Variants in KCNN2 observed in about 807,000 individuals in gnomAD.
KCNN2 encodes potassium calcium-activated channel subfamily N member 2.
Under a neutral mutation model 55.5 loss-of-function variants are expected in KCNN2, and 24 were observed. The ratio of observed to expected loss-of-function variants is 0.43; its 90% confidence interval spans 0.31 to 0.61. The LOEUF is 0.61. KCNN2 is among the 20% of genes least tolerant of loss of function. The pLI is 0.08. For missense variants in KCNN2, 754 were observed against 853.6 expected (o/e 0.88, Z 1.45); for synonymous variants, 431 against 336.1 (o/e 1.28, Z -3.09).
intron 2 of KCNN2, among the ~76,000 whole-genome samples, chr5:114,339,076 G>A (rs749781346): frequency 2.0e-5 from 3 of 152,208 alleles, no homozygotes; most frequent in Non-Finnish European, 2.9e-5. Context: ...CTACTAAGAG[G>A]TAGACAACTC....
Position 114,077,357 on chromosome 5 carries a change from G to A in KCNN2, c.-271+20857G>A, listed in dbSNP as rs1344454385. 5.9e-5 allele frequency among the ~76,000 whole-genome samples: 9 copies of A among 152,240 alleles called. No individual in the cohort carries two copies. The South Asian group carries it at 1.9e-3, about 31-fold the overall frequency. On this transcript the variant is annotated intron_variant, in intron 1 of 10. Coordinates refer to the KCNN2 transcript ENST00000512097. ...TCCAGCGTTACGAAGACCACATGTG[G>A]AAGTGTGGGTCAGTGGGGTACAGAG...
chr5:114,151,269 AT>A (rs1244727141), intron 1 of KCNN2, among the ~76,000 whole-genome samples: 1 of 152,112 alleles, frequency 6.6e-6, no homozygotes, highest in East Asian at 1.9e-4. Context: ...CCTCTCACTC[AT>A]TTTTGATTTT....
At chr5:114,403,151 T>G (rs1758836173) in intron 2 of KCNN2, among the ~76,000 whole-genome samples, 1 of 152,152 alleles carries the variant, frequency 6.6e-6, no homozygotes, top group South Asian at 2.1e-4. Context: ...TCCAAAACAT[T>G]ATGGGGAATA....
chr5:114,061,770 G>C (rs1253897193), intron 1 of KCNN2, among the ~76,000 whole-genome samples: 1 of 152,176 alleles, frequency 6.6e-6, no homozygotes, highest in Non-Finnish European at 1.5e-5. Context: ...CCCAGGTGAG[G>C]ACCATGATGG....
intron 3 of KCNN2, among the ~76,000 whole-genome samples, chr5:114,423,201 C>T (rs1759521224): frequency 6.6e-6 from 1 of 152,182 alleles, no homozygotes; most frequent in African/African-American, 2.4e-5. Context: ...AAACCTGGAA[C>T]AGAACCAGTG....
chr5:114,409,162 T>C (rs186861822), intron 3 of KCNN2, among the ~76,000 whole-genome samples: 1 of 152,176 alleles, frequency 6.6e-6, no homozygotes, highest in Admixed American at 6.5e-5. Flanking sequence ...ACTAAATGGC[T>C]TGTTAAGACT....
intron 3 of KCNN2, among the ~76,000 whole-genome samples, chr5:114,447,532 C>G (rs1436123988): frequency 1.3e-5 from 2 of 152,214 alleles, no homozygotes; most frequent in Non-Finnish European, 2.9e-5. Context: ...CAACTGAGCT[C>G]AAGCTCATGG....
intron 1 of KCNN2, among the ~76,000 whole-genome samples, chr5:114,184,334 T>G (rs1302496804): frequency 6.6e-6 from 1 of 152,158 alleles, no homozygotes; most frequent in Non-Finnish European, 1.5e-5. Context: ...ATTATCAGAT[T>G]GGCAGCAAGG....
intron 5 of KCNN2, among the ~76,000 whole-genome samples, chr5:114,475,890 A>ATACTT (rs766806662): frequency 4.6e-5 from 7 of 152,256 alleles, no homozygotes; most frequent in Non-Finnish European, 8.8e-5. Context: ...AAGTTCTTGT[A>ATACTT]TACTTTAAAC....
chr5:114,408,984 C>G (rs1759033728), intron 3 of KCNN2, among the ~76,000 whole-genome samples: 1 of 152,064 alleles, frequency 6.6e-6, no homozygotes, highest in Non-Finnish European at 1.5e-5. Context: ...AGTGTGTAGC[C>G]AGCAGGTACA....
intron 2 of KCNN2, among the ~76,000 whole-genome samples, chr5:114,374,228 C>T (rs1343745611): frequency 6.6e-6 from 1 of 151,998 alleles, no homozygotes; most frequent in African/African-American, 2.4e-5. Flanking sequence ...TAATTAGGAC[C>T]CTGGTGACTT....
At chr5:114,382,437 C>A (rs2150057969) in intron 2 of KCNN2, among the ~76,000 whole-genome samples, 1 of 152,288 alleles carries the variant, frequency 6.6e-6, no homozygotes, top group South Asian at 2.1e-4. Flanking sequence ...GTGTATATAT[C>A]TTTGTGAGGT....
intron 1 of KCNN2, among the ~76,000 whole-genome samples, chr5:114,206,111 T>C (rs1488176224): frequency 6.6e-6 from 1 of 152,220 alleles, no homozygotes; most frequent in Non-Finnish European, 1.5e-5. Flanking sequence ...TTCTTTAATT[T>C]GGTTGTTAGT....
chr5:114,431,123 C>A (rs183498022), intron 3 of KCNN2, among the ~76,000 whole-genome samples: 95 of 152,114 alleles, frequency 6.2e-4, no homozygotes, highest in Non-Finnish European at 1.1e-3. Context: ...ACTTACCCCC[C>A]CATCCCGGCT....
intron 3 of KCNN2, among the ~76,000 whole-genome samples, chr5:114,410,450 T>C (rs1256731650): frequency 6.6e-6 from 1 of 152,176 alleles, no homozygotes; most frequent in Non-Finnish European, 1.5e-5. Context: ...ATTTAGTATA[T>C]GTATATGCAT....
intron 1 of KCNN2, among the ~76,000 whole-genome samples, chr5:114,174,260 C>G (rs1753095944): frequency 6.6e-6 from 1 of 152,100 alleles, no homozygotes; most frequent in Non-Finnish European, 1.5e-5. Flanking sequence ...TACATGAACC[C>G]TGCTGGAGAC....
chr5:114,447,855 C>T (rs1760483883), intron 3 of KCNN2, among the ~76,000 whole-genome samples: 1 of 152,196 alleles, frequency 6.6e-6, no homozygotes, highest in Non-Finnish European at 1.5e-5. Context: ...TGAAAACCTT[C>T]AACCAGGAAG....
chr5:114,087,182 GT>G (rs1311545652), intron 1 of KCNN2, among the ~76,000 whole-genome samples: 1 of 152,032 alleles, frequency 6.6e-6, no homozygotes, highest in African/African-American at 2.4e-5. Context: ...TTAGACCTTT[GT>G]TGGATGCATA....
At chr5:114,357,073 A>C (rs1757308594), upstream of KCNN2, among the ~76,000 whole-genome samples, 1 of 152,088 alleles carries the variant, frequency 6.6e-6, no homozygotes, top group African/African-American at 2.4e-5. Flanking sequence ...TTGTAGGTCA[A>C]AATTTTCCTT....
Sources: gnomAD v4.1 joint callset for allele counts (sites outside exome capture counted in the v4.1 genomes callset) on GRCh38, gnomAD v4.1.1 for gene constraint, MANE v1.5 for transcripts, NCBI Gene and HGNC (gene_info 2026-07-23, HGNC 2026-07-21) for gene names.